GLI2: variants seen among roughly 807,000 people sequenced by gnomAD.
GLI2 encodes the protein GLI family zinc finger 2, also known as transcription activator GLI2.
A neutral mutation model predicts 78.9 loss-of-function variants in GLI2; 22 were observed. The ratio of observed to expected loss-of-function variants is 0.28; its 90% confidence interval spans 0.20 to 0.40. The LOEUF (loss-of-function observed/expected upper bound fraction) is 0.40, where lower values mean the gene tolerates loss of function less well. GLI2 is among the 10% of genes least tolerant of loss of function. The pLI, the probability that GLI2 is intolerant of heterozygous loss-of-function variation, is 1.00. For missense variants in GLI2, 2,097 were observed against 2,213.2 expected (o/e 0.95, Z 1.05); for synonymous variants, 974 against 963.7 (o/e 1.01, Z -0.20).
At chr2:120,844,589 G>T (rs971868350) in intron 2 of GLI2, among the ~76,000 whole-genome samples, 3 of 152,028 alleles carry the variant, frequency 2.0e-5, no homozygotes, top group African/African-American at 7.3e-5. Context: ...GTTGGACTAT[G>T]GTTTCTCAAA....
At chr2:120,980,907 G>C (rs144256982) in intron 10 of GLI2, among the ~76,000 whole-genome samples, 5,296 of 150,678 alleles carry the variant, frequency 0.035, 140 homozygotes, top group South Asian at 0.053. Context: ...TTGAGACAGA[G>C]TCTCCCTCTG....
intron 2 of GLI2, among the ~76,000 whole-genome samples, chr2:120,883,598 G>A (rs147902752): frequency 1.3e-5 from 2 of 152,324 alleles, no homozygotes; most frequent in Non-Finnish European, 2.9e-5. Flanking sequence ...ACGCTGACCC[G>A]TTAAGTCCCT....
At chr2:120,951,194 G>T (rs773048090) in intron 3 of GLI2, 49 bp from the exon 4 acceptor site, 21 of 1,084,132 alleles carry the variant, frequency 1.9e-5, no homozygotes, top group Non-Finnish European at 2.4e-5. Context: ...GTCTTGGTGG[G>T]GTTCCCTCTG....
chr2:120,984,464 T>A lies in GLI2; in HGVS notation c.1633-7T>A, dbSNP rs532360271. On this transcript the variant is annotated splice_region_variant and splice_polypyrimidine_tract_variant and intron_variant, in intron 11 of 13. Coordinates refer to ENST00000361492, the MANE Select transcript of GLI2 (RefSeq NM_001374353.1). ...TATCCATGACACAGGCCTGCTTCTC[T>A]CCCCAGAAACCCTACATCTGCAAGA... 2 of 1,613,986 alleles carry A rather than the reference T, an allele frequency of 1.2e-6. No homozygotes were observed. The highest frequency in any genetic ancestry group is 4.5e-5 in the East Asian group (2 of 44,856).
intron 2 of GLI2, among the ~76,000 whole-genome samples, chr2:120,834,806 G>A (rs1280429375): frequency 6.6e-6 from 1 of 152,058 alleles, no homozygotes; most frequent in Admixed American, 6.5e-5. Context: ...TTCTGTGGGG[G>A]GTTATGCACA....
chr2:120,904,019 G>C (rs1008055684), intron 2 of GLI2, among the ~76,000 whole-genome samples: 1 of 152,118 alleles, frequency 6.6e-6, no homozygotes, highest in Non-Finnish European at 1.5e-5. Flanking sequence ...AACAAGCATG[G>C]AGTGTGATCC....
At chr2:120,812,119 T>C (rs1363880766) in intron 2 of GLI2, among the ~76,000 whole-genome samples, 1 of 152,166 alleles carries the variant, frequency 6.6e-6, no homozygotes, top group Non-Finnish European at 1.5e-5. Flanking sequence ...CCAGGGTTGT[T>C]GAAGCCACTG....
intron 5 of GLI2, among the ~76,000 whole-genome samples, chr2:120,963,454 T>C (rs35260162): frequency 0.026 from 3,901 of 149,394 alleles, 83 homozygotes; most frequent in African/African-American, 0.049. Flanking sequence ...TGTGTGTGTG[T>C]GCGCGCACGC....
chr2:120,958,979 G>A (rs993786857), intron 5 of GLI2, among the ~76,000 whole-genome samples: 2 of 152,232 alleles, frequency 1.3e-5, no homozygotes, highest in African/African-American at 4.8e-5. Flanking sequence ...ATGGCACTTA[G>A]AAAAGACCCT....
At chr2:120,904,174 G>A (rs1678402104) in intron 2 of GLI2, among the ~76,000 whole-genome samples, 2 of 152,130 alleles carry the variant, frequency 1.3e-5, no homozygotes, top group South Asian at 4.1e-4. Flanking sequence ...CCTGAGTTCT[G>A]GAACATTCTA....
intron 5 of GLI2, among the ~76,000 whole-genome samples, chr2:120,956,475 A>G (rs1009120254): frequency 2.6e-5 from 4 of 152,102 alleles, no homozygotes; most frequent in Admixed American, 6.5e-5. Context: ...GCGGTCAGCA[A>G]GGAGCCCGTC....
At chr2:120,931,073 G>A (rs781429666) in intron 3 of GLI2, among the ~76,000 whole-genome samples, 29 of 152,256 alleles carry the variant, frequency 1.9e-4, no homozygotes, top group Non-Finnish European at 3.8e-4. Flanking sequence ...TCCTAAGGCT[G>A]CTGTAACTAA....
chr2:120,885,856 C>G (rs187735454), intron 2 of GLI2, among the ~76,000 whole-genome samples: 2 of 152,252 alleles, frequency 1.3e-5, no homozygotes, highest in East Asian at 3.9e-4. Context: ...ACGTGTGGGA[C>G]ACTATCATTC....
intron 3 of GLI2, among the ~76,000 whole-genome samples, chr2:120,931,858 C>T (rs888801701): frequency 2.0e-5 from 3 of 152,182 alleles, no homozygotes; most frequent in African/African-American, 4.8e-5. Context: ...TGGTTAAGCC[C>T]CAGTGATGGG....
At chr2:120,773,931 T>TTCCTTCCTTCCTTCCC (rs1380796572) in intron 1 of GLI2, among the ~76,000 whole-genome samples, 1 of 70,676 alleles carries the variant, frequency 1.4e-5, no homozygotes, top group African/African-American at 7.1e-5. Context: ...CCTTCCTTCC[T>TTCCTTCCTTCCTTCCC]TCCCTCCCTC....
intron 2 of GLI2, among the ~76,000 whole-genome samples, chr2:120,882,964 C>A (rs145238236): frequency 0.017 from 2,536 of 152,234 alleles, 67 homozygotes; most frequent in African/African-American, 0.055. Context: ...GAGCGGGCAT[C>A]CTGTCCTTCC....
intron 1 of GLI2, among the ~76,000 whole-genome samples, chr2:120,793,694 G>T (rs1178692543): frequency 6.6e-6 from 1 of 152,224 alleles, no homozygotes; most frequent in Non-Finnish European, 1.5e-5. Flanking sequence ...CTCCCCACAG[G>T]CGTTCACGAA....
intron 2 of GLI2, among the ~76,000 whole-genome samples, chr2:120,842,855 C>T (rs1431973544): frequency 1.3e-5 from 2 of 152,244 alleles, no homozygotes; most frequent in Non-Finnish European, 2.9e-5. Flanking sequence ...TACAGACCAT[C>T]TGCCTGTGAA....
intron 1 of GLI2, among the ~76,000 whole-genome samples, chr2:120,792,897 A>G (rs1349206971): frequency 6.6e-6 from 1 of 152,216 alleles, no homozygotes; most frequent in Non-Finnish European, 1.5e-5. Context: ...CTGGGATTAC[A>G]GGCATGAGCC....
Sources: gnomAD v4.1 joint callset for allele counts (sites outside exome capture counted in the v4.1 genomes callset) on GRCh38, gnomAD v4.1.1 for gene constraint, MANE v1.5 for transcripts, NCBI Gene and HGNC (gene_info 2026-07-23, HGNC 2026-07-21) for gene names.